Variants in ANKS6 observed in about 807,000 individuals in gnomAD.
ANKS6 encodes the protein ankyrin repeat and SAM domain-containing protein 6.
ANKS6 carries 47 observed loss-of-function variants against 77.9 expected under a neutral mutation model. The ratio of observed to expected loss-of-function variants is 0.60; its 90% CI spans 0.48 to 0.77. ANKS6 has a LOEUF of 0.77. ANKS6 is among the 30% of genes least tolerant of loss of function. The probability of loss-of-function intolerance (pLI) is 0.00; values close to 1 mark genes in which losing one functional copy is unlikely to be tolerated. For synonymous variants in ANKS6, 488 were observed against 501.7 expected, an observed-to-expected ratio of 0.97 and a Z score of 0.37; for missense variants, 1,150 against 1,159.1, an observed-to-expected ratio of 0.99 and a Z score of 0.11.
chr9:98,777,964 C>G (rs1217640374), intron 7 of ANKS6, among the ~76,000 whole-genome samples: 1 of 152,142 alleles, frequency 6.6e-6, no homozygotes, highest in Non-Finnish European at 1.5e-5. Flanking sequence ...AGAGAGAGGA[C>G]GACTCCCTGT....
At chr9:98,759,005 G>C (rs565794831) in intron 11 of ANKS6, among the ~76,000 whole-genome samples, 6 of 152,224 alleles carry the variant, frequency 3.9e-5, no homozygotes, top group Middle Eastern at 3.4e-3. Context: ...AATACACTTA[G>C]ATCTTCTGTC....
chr9:98,796,108 G>C (rs1367186801), intron 1 of ANKS6, 25 bp downstream of exon 1: 2 of 1,321,356 alleles, frequency 1.5e-6, no homozygotes, highest in East Asian at 3.1e-5. Flanking sequence ...CTCTGGTCCC[G>C]GGCCCCCGGG....
At chr9:98,796,026 G>T in intron 1 of ANKS6, 107 bp downstream of exon 1, 1 of 1,070,862 alleles carries the variant, frequency 9.3e-7, no homozygotes, top group South Asian at 4.0e-5. Flanking sequence ...CAACTCTAAG[G>T]AGTCCTTAAC....
rs1588421716 is a variant in ANKS6 at position 98,790,708 on chromosome 9, CATG to C, written c.360-105_360-103del. The C allele has an allele frequency of 9.0e-6, 13 of 1,447,924 alleles. 1 individual carries two copies. The South Asian group carries it at 1.6e-4, about 18-fold the overall frequency. The allele number at this position is 1,447,924 out of a possible 1,614,324, so 89.7% of individuals were successfully genotyped here. ...TGAATTATTAGTCCTGACAGCTGCTCATGATAAGAGGTCTTATTCTGGCGCCAG... is the reference window on the plus strand; with the variant it reads ...TGAATTATTAGTCCTGACAGCTGCTCATAAGAGGTCTTATTCTGGCGCCAG... On this transcript the variant is annotated intron_variant, in intron 1 of 14. Transcript: ENST00000353234.
At position 98,735,795 on chromosome 9, in the gene ANKS6, G is replaced by A. The variant is rs1219028240; in HGVS notation, c.*724C>T. ...CTCTCTTTGCAATAAAGAAAAATGC[G>A]TTTGACATACACATCTCCAATGTAA... On this transcript the variant is annotated 3_prime_UTR_variant, in exon 15 of 15. Transcript: ENST00000353234. The A allele has an allele frequency of 2.8e-5, 34 of 1,231,592 alleles. No individual in the cohort carries two copies. The highest frequency in any genetic ancestry group is 3.1e-5 in the Non-Finnish European group (31 of 987,972). 76.3% of individuals were successfully genotyped at this position (1,231,592 alleles called of 1,614,324 possible).
rs138782444 is a variant in ANKS6 at position 98,771,040 on chromosome 9, C to T, written c.1828G>A (p.Val610Ile). 2.4e-4 allele frequency: 383 copies of T among 1,566,540 alleles called. No individual in the cohort carries two copies. Among genetic ancestry groups the T allele is most frequent in the African/African-American group, 1.3e-3 (96 of 73,154 alleles). Residue 610 changes from valine (V) to isoleucine (I), a missense_variant, in exon 10 of 15, where the codon GTC (valine) becomes ATC (isoleucine). Transcript: ENST00000353234. ...VGGGGTDTTP[V>I]RPVKFPSLPR... is the part of the protein sequence containing the mutation. ...AGGCTTGGAAATTTAACAGGCCTGA[C>T]GGGTGTCTACAAGAATAAGGCAGGT...
chr9:98,790,345 C>T lies in ANKS6; in HGVS notation c.621G>A (p.Val207=). 1 of 1,612,900 alleles carries T rather than the reference C, an allele frequency of 6.2e-7. No homozygotes were observed. The highest frequency in any genetic ancestry group is 1.1e-5 in the South Asian group (1 of 91,076). Residue 207 remains valine (V), a synonymous_variant, in exon 2 of 15, where the codon GTG becomes GTA. Coordinates refer to ENST00000353234, the MANE Select transcript of ANKS6 (RefSeq NM_173551.5). ...CCGCGCCCCACTCCATCAGTAGACG[C>T]ACCACGGCCTCGTGCCCGTGCTGGA... ...AAIQHGHEAV[V]RLLMEWGADP...
chr9:98,766,359 T>C (rs1833290771), intron 11 of ANKS6, among the ~76,000 whole-genome samples: 1 of 152,140 alleles, frequency 6.6e-6, no homozygotes, highest in African/African-American at 2.4e-5. Flanking sequence ...AGCTAACATA[T>C]AACACATCCA....
At chr9:98,774,417 G>A (rs1447275958) in intron 8 of ANKS6, among the ~76,000 whole-genome samples, 1 of 152,180 alleles carries the variant, frequency 6.6e-6, no homozygotes, top group Non-Finnish European at 1.5e-5. Flanking sequence ...TGCCCCTGCT[G>A]CACAGTGAAG....
At chr9:98,782,682 G>T in intron 4 of ANKS6, 109 bp from the exon 5 acceptor site, 1 of 811,960 alleles carries the variant, frequency 1.2e-6, no homozygotes, top group Non-Finnish European at 2.0e-6. Context: ...CATTTAAGAA[G>T]GACATGGAAG....
At chr9:98,789,930 T>C (rs1834798224) in intron 2 of ANKS6, 174 bp downstream of exon 2, 3 of 979,096 alleles carry the variant, frequency 3.1e-6, no homozygotes, top group Non-Finnish European at 4.3e-6. Context: ...GCCCAGAACC[T>C]GCATGTCACA....
intron 2 of ANKS6, among the ~76,000 whole-genome samples, chr9:98,788,499 G>A (rs1312938985): frequency 1.3e-5 from 2 of 152,208 alleles, no homozygotes; most frequent in African/African-American, 2.4e-5. Context: ...TTAAAGGAGA[G>A]CAATGGCCTT....
intron 13 of ANKS6, among the ~76,000 whole-genome samples, chr9:98,750,506 CAT>C (rs1289083489): frequency 4.6e-5 from 7 of 152,318 alleles, no homozygotes; most frequent in East Asian, 3.9e-4. Flanking sequence ...TGTGTGGACA[CAT>C]GTCTTCATTT....
chr9:98,767,024 C>T (rs536259289), intron 11 of ANKS6, among the ~76,000 whole-genome samples: 6 of 152,274 alleles, frequency 3.9e-5, no homozygotes, highest in South Asian at 2.1e-4. Context: ...ACTAGGAACC[C>T]GCACTCTGGG....
intron 1 of ANKS6, among the ~76,000 whole-genome samples, chr9:98,793,927 G>A (rs1835042696): frequency 6.7e-6 from 1 of 148,758 alleles, no homozygotes; most frequent in South Asian, 2.2e-4. Context: ...CGAGGTGGGC[G>A]TTTCACGAAA....
chr9:98,762,980 G>C (rs770750837), intron 11 of ANKS6, among the ~76,000 whole-genome samples: 4 of 152,016 alleles, frequency 2.6e-5, no homozygotes, highest in African/African-American at 9.7e-5. Context: ...CACAGCTCGT[G>C]AGGCAAAAAC....
intron 14 of ANKS6, among the ~76,000 whole-genome samples, chr9:98,743,476 C>A (rs1372493593): frequency 6.6e-6 from 1 of 152,236 alleles, no homozygotes; most frequent in Non-Finnish European, 1.5e-5. Context: ...GTGCTTCCCT[C>A]TGCCTGCTCC....
intron 11 of ANKS6, among the ~76,000 whole-genome samples, chr9:98,762,455 C>T (rs1354608430): frequency 2.6e-5 from 4 of 152,116 alleles, no homozygotes; most frequent in Admixed American, 6.5e-5. Flanking sequence ...GTATTTGGTA[C>T]AAAGTTGACA....
intron 2 of ANKS6, among the ~76,000 whole-genome samples, chr9:98,787,095 G>A (rs1834613777): frequency 6.6e-6 from 1 of 152,202 alleles, no homozygotes; most frequent in African/African-American, 2.4e-5. Flanking sequence ...GAAAGGCAGA[G>A]ACCAGGGGAC....
Sources: gnomAD v4.1 joint callset for allele counts (sites outside exome capture counted in the v4.1 genomes callset) on GRCh38, gnomAD v4.1.1 for gene constraint, MANE v1.5 for transcripts, NCBI Gene and HGNC (gene_info 2026-07-23, HGNC 2026-07-21) for gene names.